ACTR1A: variants seen among roughly 807,000 people sequenced by gnomAD.
ACTR1A encodes the protein alpha-centractin.
Under a neutral mutation model 50.7 loss-of-function variants are expected in ACTR1A, and 10 were observed. The observed-to-expected ratio is 0.20, with a 90% CI of 0.12 to 0.33. The LOEUF (loss-of-function observed/expected upper bound fraction) is 0.33, where lower values mean the gene tolerates loss of function less well. Among genes scored for constraint, ACTR1A ranks in the 10% least tolerant of loss-of-function variants. The pLI is 1.00. For synonymous variants in ACTR1A, 177 were observed against 184.2 expected (o/e 0.96, Z 0.32); for missense variants, 253 against 491.7 (o/e 0.51, Z 4.59).
rs2062136165 is a variant in ACTR1A at position 102,480,902 on chromosome 10, C to T, written c.1092G>A (p.Glu364=). 6 of 1,614,146 alleles carry T rather than the reference C, an allele frequency of 3.7e-6. No homozygotes were observed. The East Asian group carries it at 1.1e-4, about 30-fold the overall frequency. The change falls in exon 11 of 11, where the codon GAG becomes GAA. Residue 364 remains glutamate (E), a synonymous_variant. Coordinates refer to ENST00000369905, the MANE Select transcript of ACTR1A (RefSeq NM_005736.4). The stretch of plus-strand genomic sequence containing the variant: ...TGTGGATGGATCGGGCACCGTCTTC[C>T]TCATATTCCTTTTTGGAGACCCACA... The part of the protein sequence containing the change: ...KKMWVSKKEY[E]EDGARSIHRK...
intron 1 of ACTR1A, among the ~76,000 whole-genome samples, chr10:102,500,543 T>G (rs934567991): frequency 6.6e-6 from 1 of 151,884 alleles, no homozygotes; most frequent in African/African-American, 2.4e-5. Flanking sequence ...CACTCCAGCC[T>G]GGGCGACAGT....
At chr10:102,498,598 C>A (rs1003440494) in intron 1 of ACTR1A, among the ~76,000 whole-genome samples, 1 of 151,696 alleles carries the variant, frequency 6.6e-6, no homozygotes, top group South Asian at 2.1e-4. Flanking sequence ...CCCATCTCAG[C>A]CTCCTACAGG....
rs979362484 is a variant in ACTR1A at position 102,482,467 on chromosome 10, G to T, written c.751-292C>A. 3.2e-5 allele frequency: 14 copies of T among 439,826 alleles called. No homozygotes were observed. Among genetic ancestry groups the T allele is most frequent in the Non-Finnish European group, 5.4e-5 (13 of 242,696 alleles). The allele number at this position is 439,826 out of a possible 1,614,324, so 27.2% of individuals were successfully genotyped here. On this transcript the variant is annotated intron_variant, in intron 7 of 10. Transcript: ENST00000369905. This position sits in a 1 kb window ranked among gnomAD's most constrained non-coding sequence, Gnocchi z 5.6. Reference sequence around the variant, plus strand: ...TGGAAACGTCTTCCTAGCAATGGGGGTTCAAGGGAGTGGTAACTCACCCTA... The same window carrying T: ...TGGAAACGTCTTCCTAGCAATGGGGTTTCAAGGGAGTGGTAACTCACCCTA...
Position 102,485,745 on chromosome 10 carries a change from AGCCC to A in ACTR1A, c.316-16_316-13del. On this transcript the variant is annotated splice_polypyrimidine_tract_variant and intron_variant, in intron 4 of 10. Transcript: ENST00000369905. Reference sequence around the variant, plus strand: ...AGGAGCACAGGATGCTGGTGAAAGGAGCCCGGGAGACAATGAGGCCAAGGCCAGA... The same window carrying A: ...AGGAGCACAGGATGCTGGTGAAAGGAGGGAGACAATGAGGCCAAGGCCAGA... 1 of 1,613,574 alleles carries A rather than the reference AGCCC, an allele frequency of 6.2e-7. No homozygotes were observed. Among genetic ancestry groups the A allele is most frequent in the Non-Finnish European group, 8.5e-7 (1 of 1,179,750 alleles).
intron 1 of ACTR1A, among the ~76,000 whole-genome samples, chr10:102,497,670 A>G (rs1471198376): frequency 6.6e-6 from 1 of 151,868 alleles, no homozygotes; most frequent in Non-Finnish European, 1.5e-5. Flanking sequence ...TTTTAAAGAG[A>G]TGGGGGTCTT....
intron 9 of ACTR1A, 55 bp from the exon 10 acceptor site, chr10:102,481,227 C>T: frequency 1.3e-6 from 2 of 1,504,838 alleles, no homozygotes; most frequent in Non-Finnish European, 1.8e-6. Flanking sequence ...CGCTCCCTTT[C>T]CCTACAATGC....
intron 1 of ACTR1A, 63 bp downstream of exon 1, chr10:102,502,537 G>C: frequency 6.3e-7 from 1 of 1,588,726 alleles, no homozygotes; most frequent in Non-Finnish European, 8.6e-7. Flanking sequence ...CTGAACCCCG[G>C]GAAGCGATCC....
Position 102,479,803 on chromosome 10 carries a change from A to G in ACTR1A, c.*1060T>C, listed in dbSNP as rs1238389246. On this transcript the variant is annotated 3_prime_UTR_variant, in exon 11 of 11. Coordinates refer to ENST00000369905, the MANE Select transcript of ACTR1A (RefSeq NM_005736.4). This position sits in a 1 kb window ranked among gnomAD's most constrained non-coding sequence, Gnocchi z 4.0. ...CTCCCTTGCTTAGGGGCCTCTGCCA[A>G]AGAAAAATTTTACCTCCTGTTTCAG... 2 of 671,776 alleles carry G rather than the reference A, an allele frequency of 3.0e-6. No individual in the cohort carries two copies. 41.6% of individuals were successfully genotyped at this position (671,776 alleles called of 1,614,324 possible).
chr10:102,490,770 A>G (rs1167210590), intron 1 of ACTR1A, among the ~76,000 whole-genome samples, 157 bp from the exon 2 acceptor site: 1 of 152,188 alleles, frequency 6.6e-6, no homozygotes, highest in Non-Finnish European at 1.5e-5. Flanking sequence ...AGGCAGGCGG[A>G]TCACTTGAGG....
At chr10:102,485,553 G>A in intron 5 of ACTR1A, 56 bp downstream of exon 5, 1 of 1,606,128 alleles carries the variant, frequency 6.2e-7, no homozygotes. Context: ...GCCAGCCTCA[G>A]CTGTGCCAAA....
chr10:102,490,917 T>G (rs946970446), intron 1 of ACTR1A, among the ~76,000 whole-genome samples: 3 of 151,860 alleles, frequency 2.0e-5, no homozygotes, highest in Non-Finnish European at 4.4e-5. Context: ...CACTTGAATC[T>G]GGGAGGCAGA....
In ACTR1A at chr10:102,493,001, C is replaced by CAAAAAAAA. The variant is rs398014648; in HGVS notation, c.49-2396_49-2389dup. Among the ~76,000 whole-genome samples, 185 of 48,906 alleles carry CAAAAAAAA rather than the reference C, an allele frequency of 3.8e-3. 11 individuals are homozygous for CAAAAAAAA. Among genetic ancestry groups the CAAAAAAAA allele is most frequent in the South Asian group, 5.3e-3 (5 of 946 alleles). 32.1% of individuals were successfully genotyped at this position (48,906 alleles called of 152,430 possible). A position where few individuals can be genotyped will look rare whatever the true frequency, so the allele number is the denominator to read the frequency against. On this transcript the variant is annotated intron_variant, in intron 1 of 10. Coordinates refer to ENST00000369905, the MANE Select transcript of ACTR1A (RefSeq NM_005736.4). ...AGGGAGACAGAGTGAGACTCCACCT[C>CAAAAAAAA]AAAAAAAAAAAAAAAAAAAAAAAGA... is the stretch of plus-strand genomic sequence containing the variant.
intron 1 of ACTR1A, among the ~76,000 whole-genome samples, chr10:102,496,337 C>G (rs10786669): frequency 0.35 from 53,455 of 152,066 alleles, 9,557 homozygotes; most frequent in African/African-American, 0.39. Context: ...GGAAGAGGTG[C>G]CTTTCAGGCT....
intron 1 of ACTR1A, among the ~76,000 whole-genome samples, chr10:102,494,185 G>C (rs1217463354): frequency 3.9e-5 from 6 of 152,230 alleles, no homozygotes; most frequent in African/African-American, 1.4e-4. Flanking sequence ...ATGAAAAAAT[G>C]CCTGGTAGAG....
intron 4 of ACTR1A, among the ~76,000 whole-genome samples, chr10:102,487,922 C>T (rs979176886): frequency 2.0e-5 from 3 of 152,110 alleles, no homozygotes; most frequent in Non-Finnish European, 4.4e-5. Flanking sequence ...TGAGCCACCG[C>T]GCCCGGCCAC....
chr10:102,500,513 G>A (rs988285082), intron 1 of ACTR1A, among the ~76,000 whole-genome samples: 1 of 152,114 alleles, frequency 6.6e-6, no homozygotes, highest in Non-Finnish European at 1.5e-5. Context: ...AGCTTGCAGT[G>A]AGCCGAGATC....
At chr10:102,500,662 G>C (rs993645797) in intron 1 of ACTR1A, among the ~76,000 whole-genome samples, 1 of 152,026 alleles carries the variant, frequency 6.6e-6, no homozygotes, top group Non-Finnish European at 1.5e-5. Context: ...GGGAGTCTAG[G>C]CTGGAGAATC....
rs1229099314 is a variant in ACTR1A, at chr10:102,488,902, T to G, written c.189+161A>C. Among the ~76,000 whole-genome samples the G allele has an allele frequency of 2.6e-5, 4 of 152,018 alleles. No homozygotes were observed. The highest frequency in any genetic ancestry group is 7.3e-5 in the African/African-American group (3 of 41,360). Reference sequence around the variant, plus strand: ...GACCACAGGCTGTTCCTGGGAAAAATAAACCACCTAAGCCTAGGATGAGAG... The same window carrying G: ...GACCACAGGCTGTTCCTGGGAAAAAGAAACCACCTAAGCCTAGGATGAGAG... On this transcript the variant is annotated intron_variant, in intron 3 of 10. Coordinates refer to ENST00000369905, the MANE Select transcript of ACTR1A (RefSeq NM_005736.4). The surrounding 1 kb of genome is among the most constrained non-coding windows in gnomAD (Gnocchi z 4.4).
chr10:102,480,816 T>G lies in ACTR1A; in HGVS notation c.*47A>C, dbSNP rs1323060520. ...ACACTCCGACTCAAGAAAGCGAGTT[T>G]TAAAGTGGAGTTAACTTCAGAGAGA... On this transcript the variant is annotated 3_prime_UTR_variant, in exon 11 of 11. Transcript: ENST00000369905. The G allele has an allele frequency of 1.3e-6, 2 of 1,490,750 alleles. No homozygotes were observed. Among genetic ancestry groups the G allele is most frequent in the Non-Finnish European group, 1.9e-6 (2 of 1,068,650 alleles). 92.3% of individuals were successfully genotyped at this position (1,490,750 alleles called of 1,614,324 possible).
Sources: allele counts gnomAD v4.1 joint callset (sites outside exome capture counted in the v4.1 genomes callset), GRCh38; gene constraint gnomAD v4.1.1; non-coding constraint Gnocchi (gnomAD v3.1); transcripts MANE v1.5; gene names NCBI Gene and HGNC (gene_info 2026-07-23, HGNC 2026-07-21).